Variants in WBP11 observed in about 807,000 individuals in gnomAD.
WBP11 encodes WW domain binding protein 11, also known as WW domain-binding protein 11.
In WBP11, 12 loss-of-function variants were observed where a neutral mutation model predicts 66.7. That is an observed-to-expected ratio of 0.18 (90% CI 0.12 to 0.29). The LOEUF (loss-of-function observed/expected upper bound fraction) is 0.29, where lower values mean the gene tolerates loss of function less well. Ranked by LOEUF, WBP11 falls within the 10% of genes least tolerant of loss-of-function variation. The probability of loss-of-function intolerance (pLI) is 1.00; values close to 1 mark genes in which losing one functional copy is unlikely to be tolerated. For synonymous variants in WBP11, 255 were observed against 273.8 expected (o/e 0.93, Z 0.68); for missense variants, 555 against 818.3 (o/e 0.68, Z 3.93).
rs999923620 is a variant in WBP11 at position 14,796,534 on chromosome 12, A to T, written c.387+273T>A. Among the ~76,000 whole-genome samples, 1 of 152,164 alleles carries T rather than the reference A, an allele frequency of 6.6e-6. No homozygotes were observed. The highest frequency in any genetic ancestry group is 1.5e-5 in the Non-Finnish European group (1 of 68,014). On this transcript the variant is annotated intron_variant, in intron 5 of 11. Coordinates refer to ENST00000261167, the MANE Select transcript of WBP11 (RefSeq NM_016312.3). This position sits in a 1 kb window ranked among gnomAD's most constrained non-coding sequence, Gnocchi z 4.5. ...ATATGATGCCATGGTGGAAAAATCCACACCTGACCTAATGTGATGGGTCGT... is the reference window on the plus strand; with the variant it reads ...ATATGATGCCATGGTGGAAAAATCCTCACCTGACCTAATGTGATGGGTCGT...
In WBP11 at chr12:14,790,720, C is replaced by G; in HGVS notation, c.1045G>C (p.Val349Leu). The change falls in exon 10 of 12, where the codon GTA becomes CTA. Residue 349 changes from valine to leucine, a missense_variant. Val to Leu is a conservative substitution (Grantham distance 32). Coordinates refer to ENST00000261167, the MANE Select transcript of WBP11 (RefSeq NM_016312.3). ...TCATCGTCCTCTGAAAATTCCTCTA[C>G]TTCCCGTCCCTCCTCAGGGATTTCT... Reference protein sequence around the residue: ...GQEIPEEGREVEEFSEDDDED... With the variant: ...GQEIPEEGRELEEFSEDDDED... 6.2e-7 allele frequency: 1 copy of G among 1,614,024 alleles called. No individual in the cohort carries two copies. The highest frequency in any genetic ancestry group is 1.1e-5 in the South Asian group (1 of 91,080).
chr12:14,800,098 C>G (rs1949942044), intron 3 of WBP11, among the ~76,000 whole-genome samples: 2 of 152,000 alleles, frequency 1.3e-5, no homozygotes, highest in Admixed American at 6.6e-5. Context: ...AAGGTTGAAG[C>G]TAAATTCTAA....
chr12:14,798,751 GT>G (rs924227578), intron 4 of WBP11, among the ~76,000 whole-genome samples: 2 of 151,670 alleles, frequency 1.3e-5, no homozygotes, highest in Non-Finnish European at 2.9e-5. Context: ...TTACTACTCT[GT>G]TTTTGGGCAA....
chr12:14,790,463 T>C lies in WBP11; in HGVS notation c.1302A>G (p.Pro434=), dbSNP rs750782387. 46 of 1,613,482 alleles carry C rather than the reference T, an allele frequency of 2.9e-5. No individual in the cohort carries two copies. The highest frequency in any genetic ancestry group is 3.7e-5 in the Non-Finnish European group (44 of 1,179,682). The change falls in exon 10 of 12, where the codon CCA becomes CCG. Residue 434 remains proline, a synonymous_variant. Coordinates refer to ENST00000261167, the MANE Select transcript of WBP11 (RefSeq NM_016312.3). The part of the protein sequence containing the change: ...PGPPTGLPPG[P]PPGAPPFLRP... The stretch of plus-strand genomic sequence containing the variant: ...CATTATGTAAGTGTTTACCTGGAGG[T>C]GGACCAGGAGGAAGGCCTGTAGGTG...
At chr12:14,790,364 A>G in intron 10 of WBP11, 92 bp downstream of exon 10, 3 of 1,466,450 alleles carry the variant, frequency 2.0e-6, no homozygotes, top group Non-Finnish European at 2.8e-6. Context: ...GGAGGAAACA[A>G]GAAAACATGA....
intron 1 of WBP11, 145 bp from the exon 2 acceptor site, chr12:14,801,573 AAGAAAGATGGCATCACCTT>A (rs1321827889): frequency 2.3e-5 from 13 of 553,326 alleles, no homozygotes; most frequent in Non-Finnish European, 3.8e-5. Flanking sequence ...TTTAATGTCC[AAGAAAGATGGCATCACCTT>A]TCTTGACCAT....
At position 14,794,039 on chromosome 12, in the gene WBP11, C is replaced by A. The variant is rs377333907; in HGVS notation, c.722-117G>T. The A allele has an allele frequency of 3.8e-3, 1,256 of 330,910 alleles. 1 individual carries two copies. The highest frequency in any genetic ancestry group is 6.4e-3 in the South Asian group (42 of 6,544). 20.5% of individuals were successfully genotyped at this position (330,910 alleles called of 1,614,324 possible). A position where few individuals can be genotyped will look rare whatever the true frequency, so the allele number is the denominator to read the frequency against. On this transcript the variant is annotated intron_variant, in intron 7 of 11. Transcript: ENST00000261167. ...CAGACTGTAACAACTTAATTCTTAC[C>A]AAAAAAAAAAAAAAAAAATTCTTGT...
rs754762319 is a variant in WBP11 at position 14,791,287 on chromosome 12, G to A, written c.914-17C>T. 1.2e-6 allele frequency: 2 copies of A among 1,610,502 alleles called. No individual in the cohort carries two copies. Among genetic ancestry groups the A allele is most frequent in the South Asian group, 1.1e-5 (1 of 90,966 alleles). On this transcript the variant is annotated splice_polypyrimidine_tract_variant and intron_variant, in intron 8 of 11. Transcript: ENST00000261167. ...CACTCAGACCTAAGGGGACAAAGGA[G>A]GGAGTGGAGTAGATTGGCATCAACA...
chr12:14,799,215 T>C (rs1436545446), intron 4 of WBP11, among the ~76,000 whole-genome samples: 1 of 152,206 alleles, frequency 6.6e-6, no homozygotes, highest in Non-Finnish European at 1.5e-5. Flanking sequence ...AAGTATCTTT[T>C]TGGATCTTCT....
intron 9 of WBP11, 70 bp downstream of exon 9, chr12:14,791,099 A>G (rs942373644): frequency 8.2e-6 from 12 of 1,460,198 alleles, no homozygotes; most frequent in Non-Finnish European, 9.5e-6. Context: ...TACTAAATGG[A>G]AAAACGTATG....
rs1293013701 is a variant in WBP11 at position 14,785,915 on chromosome 12, A to C, written c.*1150T>G. ...CCCAGAAAAGTTATCTATAGGGTTA[A>C]TTGGTAGATGAGTTAGTCATTAAAT... On this transcript the variant is annotated 3_prime_UTR_variant, in exon 12 of 12. Coordinates refer to ENST00000261167, the MANE Select transcript of WBP11 (RefSeq NM_016312.3). The C allele has an allele frequency of 1.3e-5, 2 of 151,236 alleles. No individual in the cohort carries two copies. The highest frequency in any genetic ancestry group is 4.9e-5 in the African/African-American group (2 of 40,876). The allele number at this position is 151,236 out of a possible 1,614,324, so 9.4% of individuals were successfully genotyped here.
rs34868934 is a variant in WBP11, at chr12:14,794,741, TAAA to T, written c.522-8_522-6del. Reference sequence around the variant, plus strand: ...GAAACTGCCCGAGTTGGAGGTCTGTTAAAAAAAAAAACAAAAACAAAAAAACCC... The same window carrying T: ...GAAACTGCCCGAGTTGGAGGTCTGTTAAAAAAAACAAAAACAAAAAAACCC... On this transcript the variant is annotated splice_polypyrimidine_tract_variant and splice_region_variant and intron_variant, in intron 6 of 11. Transcript: ENST00000261167. 6.6e-6 allele frequency: 9 copies of T among 1,372,730 alleles called. No individual in the cohort carries two copies. The highest frequency in any genetic ancestry group is 5.1e-5 in the East Asian group (2 of 39,044). The allele number at this position is 1,372,730 out of a possible 1,614,324, so 85.0% of individuals were successfully genotyped here.
intron 8 of WBP11, among the ~76,000 whole-genome samples, chr12:14,791,575 C>T (rs557142209): frequency 5.9e-5 from 9 of 152,236 alleles, no homozygotes; most frequent in Non-Finnish European, 1.3e-4. Flanking sequence ...CATTAAGTTA[C>T]AGAAATCTGA....
Position 14,789,153 on chromosome 12 carries a change from A to G in WBP11, c.1310-20T>C. 6 of 1,524,006 alleles carry G rather than the reference A, an allele frequency of 3.9e-6. No homozygotes were observed. The South Asian group carries it at 8.1e-5, about 21-fold the overall frequency. 94.4% of individuals were successfully genotyped at this position (1,524,006 alleles called of 1,614,324 possible). On this transcript the variant is annotated intron_variant, in intron 10 of 11. Transcript: ENST00000261167. The stretch of plus-strand genomic sequence containing the variant: ...GAGCTCCTGAAAAGAGAAAAATGAT[A>G]AATTAATGTCACACAAATGTACACT...
At position 14,794,749 on chromosome 12, in the gene WBP11, A is replaced by C. The variant is rs1367369880; in HGVS notation, c.522-13T>G. 6.5e-7 allele frequency: 1 copy of C among 1,536,140 alleles called. No individual in the cohort carries two copies. The highest frequency in any genetic ancestry group is 1.4e-5 in the African/African-American group (1 of 71,928). Reference sequence around the variant, plus strand: ...CCGAGTTGGAGGTCTGTTAAAAAAAAAAACAAAAACAAAAAAACCCCCACA... The same window carrying C: ...CCGAGTTGGAGGTCTGTTAAAAAAACAAACAAAAACAAAAAAACCCCCACA... On this transcript the variant is annotated splice_polypyrimidine_tract_variant and intron_variant, in intron 6 of 11. Transcript: ENST00000261167.
intron 8 of WBP11, among the ~76,000 whole-genome samples, chr12:14,792,904 C>T (rs919438960): frequency 2.6e-5 from 4 of 151,626 alleles, no homozygotes; most frequent in Admixed American, 1.3e-4. Context: ...AGAGACCACA[C>T]AGACCCAGAA....
intron 3 of WBP11, 40 bp from the exon 4 acceptor site, chr12:14,799,768 C>T (rs1949937360): frequency 3.2e-6 from 5 of 1,581,944 alleles, no homozygotes; most frequent in Non-Finnish European, 4.3e-6. Flanking sequence ...AAGTCAGGCA[C>T]TCAGGAGTTT....
intron 3 of WBP11, 98 bp downstream of exon 3, chr12:14,800,654 G>GA: frequency 8.6e-7 from 1 of 1,161,636 alleles, no homozygotes; most frequent in Non-Finnish European, 1.2e-6. Flanking sequence ...ACCTTTTCTA[G>GA]AAAATATTAG....
chr12:14,796,826 T>C lies in WBP11; in HGVS notation c.368A>G (p.Gln123Arg). 1 of 1,592,680 alleles carries C rather than the reference T, an allele frequency of 6.3e-7. No individual in the cohort carries two copies. Among genetic ancestry groups the C allele is most frequent in the South Asian group, 1.2e-5 (1 of 85,530 alleles). Residue 123 changes from glutamine (Q) to arginine (R), a missense_variant, in exon 5 of 12, where the codon CAA becomes CGA. Physicochemically the swap from Gln to Arg is conservative, Grantham distance 43 (BLOSUM62 1). This residue lies in a region of WBP11 where 220 missense variants were observed against 268.2 expected (regional missense o/e 0.82). Transcript: ENST00000261167. This position sits in a 1 kb window ranked among gnomAD's most constrained non-coding sequence, Gnocchi z 4.5. ...EYEQKRAQLS[Q>R]YFDAVKNAQH... ...GATTACCTTGACAGCATCAAAATATTGGCTAAGTTGAGCCCTCTTCTGTTC... is the reference window on the plus strand; with the variant it reads ...GATTACCTTGACAGCATCAAAATATCGGCTAAGTTGAGCCCTCTTCTGTTC...
Sources: allele counts gnomAD v4.1 joint callset (sites outside exome capture counted in the v4.1 genomes callset), GRCh38; gene constraint gnomAD v4.1.1; regional missense constraint gnomAD v4.1.1; non-coding constraint Gnocchi (gnomAD v3.1); transcripts MANE v1.5; gene names NCBI Gene and HGNC (gene_info 2026-07-23, HGNC 2026-07-21).